MAGI2: variants seen among roughly 807,000 people sequenced by gnomAD.
MAGI2 encodes the protein membrane-associated guanylate kinase, WW and PDZ domain-containing protein 2.
MAGI2 carries 35 observed loss-of-function variants against 133.3 expected under a neutral mutation model. The observed-to-expected ratio is 0.26, with a 90% CI of 0.20 to 0.35. MAGI2 has a LOEUF of 0.35. MAGI2 is among the 10% of genes least tolerant of loss of function. The pLI is 1.00. For missense variants in MAGI2, 1,636 were observed against 1,863.4 expected, an observed-to-expected ratio of 0.88 and a Z score of 2.25; for synonymous variants, 729 against 710.6, an observed-to-expected ratio of 1.03 and a Z score of -0.41.
intron 21 of MAGI2, chr7:78,065,548 A>G (rs1298006345): frequency 7.5e-6 from 5 of 669,844 alleles, no homozygotes; most frequent in African/African-American, 1.8e-5. Flanking sequence ...TTAGAGAAAG[A>G]TAATATTCAT....
intron 1 of MAGI2, among the ~76,000 whole-genome samples, chr7:79,230,927 T>A (rs1228530046): frequency 7.7e-6 from 1 of 130,268 alleles, no homozygotes; most frequent in Non-Finnish European, 1.7e-5. Context: ...TGGTTTTAGG[T>A]CTAACGTTTA....
chr7:79,352,940 G>A (rs998951497), intron 1 of MAGI2, among the ~76,000 whole-genome samples: 1 of 152,030 alleles, frequency 6.6e-6, no homozygotes, highest in Non-Finnish European at 1.5e-5. Flanking sequence ...GCCAGGATTA[G>A]TATTTAGTAT....
chr7:78,762,005 T>G (rs1824561741), intron 2 of MAGI2, among the ~76,000 whole-genome samples: 1 of 152,122 alleles, frequency 6.6e-6, no homozygotes, highest in East Asian at 1.9e-4. Flanking sequence ...CGGAATTAAT[T>G]TTTCCTGTAT....
intron 2 of MAGI2, among the ~76,000 whole-genome samples, chr7:78,684,690 T>C (rs1379681976): frequency 6.6e-6 from 1 of 152,110 alleles, no homozygotes; most frequent in Non-Finnish European, 1.5e-5. Flanking sequence ...AATGGAAATG[T>C]ATGAACAAGA....
chr7:78,543,067 A>G (rs1798543914), intron 3 of MAGI2, among the ~76,000 whole-genome samples: 1 of 152,210 alleles, frequency 6.6e-6, no homozygotes, highest in Non-Finnish European at 1.5e-5. Flanking sequence ...TGCAGATTAA[A>G]ACCAATTCAA....
chr7:78,150,006 G>C (rs1338534809), intron 16 of MAGI2, among the ~76,000 whole-genome samples: 1 of 152,182 alleles, frequency 6.6e-6, no homozygotes, highest in Admixed American at 6.5e-5. Flanking sequence ...AAGGCTGTCT[G>C]ATTAATCTGC....
chr7:79,039,570 C>T (rs1047919248), intron 1 of MAGI2, among the ~76,000 whole-genome samples: 6 of 151,692 alleles, frequency 4.0e-5, no homozygotes, highest in African/African-American at 1.5e-4. Context: ...AGTGAAGAGA[C>T]AACCTACAGA....
chr7:78,212,188 C>G (rs935068612), intron 10 of MAGI2, among the ~76,000 whole-genome samples: 1 of 152,166 alleles, frequency 6.6e-6, no homozygotes, highest in Non-Finnish European at 1.5e-5. Flanking sequence ...TGTATCTCCT[C>G]AAATAATTGT....
chr7:78,759,807 C>T (rs1402965719), intron 2 of MAGI2, among the ~76,000 whole-genome samples: 1 of 152,108 alleles, frequency 6.6e-6, no homozygotes, highest in Non-Finnish European at 1.5e-5. Flanking sequence ...GCAGGTTTCT[C>T]AATTTTATTT....
Position 78,235,710 on chromosome 7 carries a change from G to GGCA in MAGI2, c.2047+20230_2047+20232dup, listed in dbSNP as rs199725954. On this transcript the variant is annotated intron_variant, in intron 10 of 21. Transcript: ENST00000354212. ...TTCCTTTATAAATTACCCAGTCTTGGGCAGTTCTTTATAGCAGCGTGAGAA... is the reference window on the plus strand; with the variant it reads ...TTCCTTTATAAATTACCCAGTCTTGGGCAGCAGTTCTTTATAGCAGCGTGAGAA... 0.013 allele frequency among the ~76,000 whole-genome samples: 1,974 copies of GGCA among 152,092 alleles called. 103 individuals carry two copies. In the East Asian group the frequency reaches 0.14, roughly 11 times the overall value.
intron 2 of MAGI2, among the ~76,000 whole-genome samples, chr7:78,671,433 A>G (rs1283475396): frequency 6.6e-6 from 1 of 152,148 alleles, no homozygotes; most frequent in Non-Finnish European, 1.5e-5. Flanking sequence ...GAAAGCAGAG[A>G]TAGCATGTGT....
chr7:78,498,822 G>A (rs1203022693), intron 5 of MAGI2, among the ~76,000 whole-genome samples: 2 of 152,076 alleles, frequency 1.3e-5, no homozygotes, highest in Non-Finnish European at 1.5e-5. Flanking sequence ...AGCAGGCGTC[G>A]TAGACTACCT....
Position 78,368,875 on chromosome 7 carries a change from A to G in MAGI2, c.1103+281T>C, listed in dbSNP as rs117685738. On this transcript the variant is annotated intron_variant, in intron 7 of 21. Coordinates refer to ENST00000354212, the MANE Select transcript of MAGI2 (RefSeq NM_012301.4). ...ACATTTTGATTGCAAAATGAAAGGC[A>G]TTTACTTTGATATCTTTAATTATCA... Among the ~76,000 whole-genome samples the G allele has an allele frequency of 0.012, 1,863 of 152,282 alleles. 33 individuals are homozygous for G. The highest frequency in any genetic ancestry group is 0.015 in the Non-Finnish European group (1,029 of 67,992).
intron 2 of MAGI2, among the ~76,000 whole-genome samples, chr7:78,961,553 T>C (rs1198605654): frequency 1.3e-5 from 2 of 152,150 alleles, no homozygotes; most frequent in Non-Finnish European, 2.9e-5. Context: ...CTAAGTGGTT[T>C]ATGTGGATGT....
At chr7:78,564,870 T>C (rs1026794705) in intron 3 of MAGI2, among the ~76,000 whole-genome samples, 10 of 130,750 alleles carry the variant, frequency 7.6e-5, no homozygotes, top group African/African-American at 2.8e-4. Flanking sequence ...CTCTGCTCAC[T>C]GCAAGCTCCG....
chr7:78,961,995 A>G (rs1420588096), intron 2 of MAGI2, among the ~76,000 whole-genome samples: 1 of 152,078 alleles, frequency 6.6e-6, no homozygotes, highest in Non-Finnish European at 1.5e-5. Context: ...CAACTATGAC[A>G]CAATGTTAAG....
At chr7:78,931,322 A>C (rs567337672) in intron 2 of MAGI2, among the ~76,000 whole-genome samples, 3 of 152,224 alleles carry the variant, frequency 2.0e-5, no homozygotes, top group African/African-American at 7.2e-5. Flanking sequence ...TTACCACTGT[A>C]CATAAATTTT....
intron 1 of MAGI2, among the ~76,000 whole-genome samples, chr7:79,384,826 G>A (rs888355187): frequency 1.2e-4 from 18 of 151,646 alleles, no homozygotes; most frequent in African/African-American, 3.4e-4. Context: ...GTTTTCATCT[G>A]TATGACTATG....
chr7:79,291,575 T>G (rs1357911263), intron 1 of MAGI2, among the ~76,000 whole-genome samples: 1 of 152,170 alleles, frequency 6.6e-6, no homozygotes, highest in Non-Finnish European at 1.5e-5. Context: ...TCACCAATAC[T>G]CATTTTCCAT....
Sources: gnomAD v4.1 joint callset for allele counts (sites outside exome capture counted in the v4.1 genomes callset) on GRCh38, gnomAD v4.1.1 for gene constraint, MANE v1.5 for transcripts, NCBI Gene and HGNC (gene_info 2026-07-23, HGNC 2026-07-21) for gene names.